The following FBXO33 variants were observed in gnomAD, a reference collection of about 807,000 sequenced individuals.
The protein encoded by FBXO33 is F-box only protein 33.
FBXO33 carries 22 observed loss-of-function variants against 46.3 expected under a neutral mutation model. That is an observed-to-expected ratio of 0.48 (90% CI 0.34 to 0.68). FBXO33 has a LOEUF of 0.68. FBXO33 is among the 30% of genes least tolerant of loss of function. FBXO33 has a pLI of 0.01. For synonymous variants in FBXO33, 337 were observed against 291.3 expected, an observed-to-expected ratio of 1.16 and a Z score of -1.60; for missense variants, 692 against 708.8, an observed-to-expected ratio of 0.98 and a Z score of 0.27.
At chr14:39,419,963 T>C (rs936197036) in intron 1 of FBXO33, among the ~76,000 whole-genome samples, 7 of 152,226 alleles carry the variant, frequency 4.6e-5, no homozygotes, top group East Asian at 1.9e-4. Context: ...CAAAAGGCCA[T>C]ATACTATCAT....
At chr14:39,426,618 T>C (rs2075516449) in intron 1 of FBXO33, among the ~76,000 whole-genome samples, 1 of 152,180 alleles carries the variant, frequency 6.6e-6, no homozygotes, top group African/African-American at 2.4e-5. Context: ...TGGCATCATT[T>C]TCATCCTCAC....
intron 1 of FBXO33, among the ~76,000 whole-genome samples, chr14:39,404,184 T>C (rs2075381658): frequency 6.6e-6 from 1 of 152,168 alleles, no homozygotes; most frequent in Non-Finnish European, 1.5e-5. Flanking sequence ...CCTGAGGGCC[T>C]ACGAAGTACC....
At chr14:39,420,492 C>T (rs1345295589) in intron 1 of FBXO33, among the ~76,000 whole-genome samples, 3 of 152,252 alleles carry the variant, frequency 2.0e-5, no homozygotes, top group Admixed American at 6.5e-5. Flanking sequence ...TCGAGACCAA[C>T]CTGGCTAACA....
Position 39,409,116 on chromosome 14 carries a change from G to A in FBXO33, c.600-6605C>T, listed in dbSNP as rs557746018. ...ACGATGTCCCACTTGCCTATTTTTG[G>A]TTCTGTTGCCTTTGTTTTTGGTGTC... On this transcript the variant is annotated intron_variant, in intron 1 of 3. Coordinates refer to ENST00000298097, the MANE Select transcript of FBXO33 (RefSeq NM_203301.4). 3.9e-5 allele frequency among the ~76,000 whole-genome samples: 6 copies of A among 152,018 alleles called. No homozygotes were observed. In the South Asian group the frequency reaches 1.0e-3, roughly 26 times the overall value.
At chr14:39,404,953 T>TC (rs777165419) in intron 1 of FBXO33, among the ~76,000 whole-genome samples, 3 of 151,602 alleles carry the variant, frequency 2.0e-5, no homozygotes, top group African/African-American at 7.3e-5. Flanking sequence ...TCGAGACCAG[T>TC]CCGGCCAACA....
At chr14:39,428,910 A>C (rs1175052759) in intron 1 of FBXO33, among the ~76,000 whole-genome samples, 1 of 152,218 alleles carries the variant, frequency 6.6e-6, no homozygotes, top group Non-Finnish European at 1.5e-5. Context: ...TTAATGAAGA[A>C]GACAGGTATC....
intron 1 of FBXO33, among the ~76,000 whole-genome samples, chr14:39,409,652 T>C (rs1306564919): frequency 2.0e-5 from 3 of 152,216 alleles, no homozygotes; most frequent in South Asian, 2.1e-4. Context: ...ATTGAATCTG[T>C]AGACTGCTTT....
chr14:39,398,552 C>T lies in FBXO33; in HGVS notation c.*964G>A, dbSNP rs1028414455. The T allele has an allele frequency of 2.1e-5, 3 of 143,984 alleles. No homozygotes were observed. Among genetic ancestry groups the T allele is most frequent in the Admixed American group, 7.4e-5 (1 of 13,520 alleles). 8.9% of individuals were successfully genotyped at this position (143,984 alleles called of 1,614,324 possible). On this transcript the variant is annotated 3_prime_UTR_variant, in exon 4 of 4. Transcript: ENST00000298097. ...CAGCTGTGTACCACAGGTCGAAATT[C>T]GACCTTAAATATTACAATCTAGCAG...
chr14:39,423,536 C>T (rs1252174706), intron 1 of FBXO33, among the ~76,000 whole-genome samples: 1 of 150,604 alleles, frequency 6.6e-6, no homozygotes, highest in Non-Finnish European at 1.5e-5. Context: ...TTCAAATGTC[C>T]ATCAGCAATA....
Position 39,399,420 on chromosome 14 carries a change from A to G in FBXO33, c.*96T>C. 9.2e-7 allele frequency: 1 copy of G among 1,091,518 alleles called. No individual in the cohort carries two copies. Among genetic ancestry groups the G allele is most frequent in the Non-Finnish European group, 1.3e-6 (1 of 768,348 alleles). The allele number at this position is 1,091,518 out of a possible 1,614,324, so 67.6% of individuals were successfully genotyped here. A position where few individuals can be genotyped will look rare whatever the true frequency, so the allele number is the denominator to read the frequency against. The stretch of plus-strand genomic sequence containing the variant: ...ATTCTATAAAGCTAATACTGATTAA[A>G]CACAGCACAAAAGGATTAATTCACA... On this transcript the variant is annotated 3_prime_UTR_variant, in exon 4 of 4. Transcript: ENST00000298097.
rs2075362211 is a variant in FBXO33, at chr14:39,400,175, G to A, written c.1397-388C>T. ...TGCATGTATCTGTTAACCACACGTG[G>A]TAAATGTATTTTTCATTTGTGAAAA... On this transcript the variant is annotated intron_variant, in intron 3 of 3. Transcript: ENST00000298097. 2.0e-5 allele frequency among the ~76,000 whole-genome samples: 3 copies of A among 152,238 alleles called. No individual in the cohort carries two copies. In the South Asian group the frequency reaches 6.2e-4, roughly 32 times the overall value.
rs750784420 is a variant in FBXO33, at chr14:39,399,674, C to T, written c.1510G>A (p.Asp504Asn). 10 of 1,613,984 alleles carry T rather than the reference C, an allele frequency of 6.2e-6. No homozygotes were observed. Among genetic ancestry groups the T allele is most frequent in the Middle Eastern group, 3.3e-4 (2 of 6,060 alleles). The change falls in exon 4 of 4, where the codon GAC (aspartate) becomes AAC (asparagine). Residue 504 changes from aspartate (D) to asparagine (N), a missense_variant. By Grantham distance (23) the Asp-to-Asn change is conservative. Transcript: ENST00000298097. ...SIDFDQGELA[D>N]QDVDPVHNLI... ...TTATGCACTGGATCTACATCCTGGT[C>T]GGCCAGTTCACCTTGGTCAAAATCA...
Position 39,432,234 on chromosome 14 carries a change from AG to A in FBXO33, c.-73del. 8.8e-7 allele frequency: 1 copy of A among 1,142,830 alleles called. No homozygotes were observed. Among genetic ancestry groups the A allele is most frequent in the Non-Finnish European group, 1.1e-6 (1 of 923,708 alleles). 70.8% of individuals were successfully genotyped at this position (1,142,830 alleles called of 1,614,324 possible). On this transcript the variant is annotated 5_prime_UTR_variant, in exon 1 of 4. Transcript: ENST00000298097. ...ACCAAGTAGAACACAAGTTGTGGAG[AG>A]GGGGAAAGGCCTCTGCGGGCGTGGC...
At chr14:39,414,567 T>C (rs1394371028) in intron 1 of FBXO33, among the ~76,000 whole-genome samples, 1 of 152,260 alleles carries the variant, frequency 6.6e-6, no homozygotes, top group Non-Finnish European at 1.5e-5. Context: ...TGAAGCTTAA[T>C]CATTTCTAGC....
intron 1 of FBXO33, among the ~76,000 whole-genome samples, chr14:39,409,028 C>A (rs373830173): frequency 2.0e-5 from 3 of 151,986 alleles, no homozygotes; most frequent in African/African-American, 7.3e-5. Flanking sequence ...CTGCCTGCCT[C>A]GGCCTCTTCA....
rs2075563046 is a variant in FBXO33, at chr14:39,432,098, G to T, written c.65C>A (p.Ala22Asp). 8.0e-6 allele frequency: 10 copies of T among 1,242,846 alleles called. No individual in the cohort carries two copies. Among genetic ancestry groups the T allele is most frequent in the Non-Finnish European group, 1.0e-5 (10 of 996,540 alleles). 77.0% of individuals were successfully genotyped at this position (1,242,846 alleles called of 1,614,324 possible). Residue 22 changes from alanine (A) to aspartate (D), a missense_variant, in exon 1 of 4, where the codon GCC becomes GAC. By Grantham distance (126) the Ala-to-Asp change is moderately radical. Transcript: ENST00000298097. ...PPGARTRAGA[A>D]RVARWRRLRL... ...CAGCCGCCGCCACCGCGCCACCCGGGCGGCCCCGGCTCGGGTTCGAGCTCC... is the reference window on the plus strand; with the variant it reads ...CAGCCGCCGCCACCGCGCCACCCGGTCGGCCCCGGCTCGGGTTCGAGCTCC...
chr14:39,417,810 T>C (rs143236075), intron 1 of FBXO33, among the ~76,000 whole-genome samples: 5,046 of 151,982 alleles, frequency 0.033, 292 homozygotes, highest in African/African-American at 0.11. Context: ...ATTACAGGCG[T>C]GAGCCACCAC....
At position 39,406,880 on chromosome 14, in the gene FBXO33, AG is replaced by A. The variant is rs529433723; in HGVS notation, c.600-4370del. Among the ~76,000 whole-genome samples, 37 of 152,340 alleles carry A rather than the reference AG, an allele frequency of 2.4e-4. No individual in the cohort carries two copies. The East Asian group carries it at 7.1e-3, about 29-fold the overall frequency. On this transcript the variant is annotated intron_variant, in intron 1 of 3. Transcript: ENST00000298097. ...CTCAGAAATGGCAGATGAAGGATTT[AG>A]GGAAAGAACTTAAATCAGCTATTAA...
intron 1 of FBXO33, among the ~76,000 whole-genome samples, chr14:39,429,836 T>C (rs943107463): frequency 2.0e-5 from 3 of 152,168 alleles, no homozygotes; most frequent in African/African-American, 7.2e-5. Flanking sequence ...ATAAAAATTG[T>C]AGGGGTAAGG....
Sources: allele counts gnomAD v4.1 joint callset (sites outside exome capture counted in the v4.1 genomes callset), GRCh38; gene constraint gnomAD v4.1.1; transcripts MANE v1.5; gene names NCBI Gene and HGNC (gene_info 2026-07-23, HGNC 2026-07-21).